The following RPS6KC1 variants were observed in gnomAD, a reference collection of about 807,000 sequenced individuals.
RPS6KC1 encodes the protein ribosomal protein S6 kinase C1.
Under a neutral mutation model 103.8 loss-of-function variants are expected in RPS6KC1, and 54 were observed. The ratio of observed to expected loss-of-function variants is 0.52; its 90% CI spans 0.42 to 0.65. The LOEUF (loss-of-function observed/expected upper bound fraction) is 0.65. RPS6KC1 is among the 30% of genes least tolerant of loss of function. The probability of loss-of-function intolerance (pLI) is 0.00; values close to 1 mark genes in which losing one functional copy is unlikely to be tolerated. For missense variants in RPS6KC1, 1,151 were observed against 1,253.8 expected (o/e 0.92, Z 1.24); for synonymous variants, 439 against 438.7 (o/e 1.00, Z -0.01).
chr1:213,680,690 C>T, the RPS6KC1 span, among the ~76,000 whole-genome samples: 2 of 152,042 alleles, frequency 1.3e-5, no homozygotes, highest in African/African-American at 2.4e-5. Context: ...GGATGTAAGG[C>T]AAGAGATTTT....
At chr1:213,636,684 C>G in the RPS6KC1 span, among the ~76,000 whole-genome samples, 1 of 152,256 alleles carries the variant, frequency 6.6e-6, no homozygotes, top group South Asian at 2.1e-4. Context: ...CTAGGCAATA[C>G]CACTCAGGAC....
the RPS6KC1 span, among the ~76,000 whole-genome samples, chr1:213,774,338 A>G: frequency 2.6e-5 from 4 of 152,158 alleles, no homozygotes; most frequent in African/African-American, 2.4e-5. Flanking sequence ...CTGGGTATGG[A>G]TTCAGTGTGA....
rs397694278 is a variant in RPS6KC1, at chr1:213,091,972, T to TA, written c.263-12479dup. Among the ~76,000 whole-genome samples, 14 of 152,064 alleles carry TA rather than the reference T, an allele frequency of 9.2e-5. No homozygotes were observed. The East Asian group carries it at 2.1e-3, about 23-fold the overall frequency. On this transcript the variant is annotated intron_variant, in intron 3 of 14. Transcript: ENST00000366960. ...GGCATTACATTTCTTTTTTTTTTTTTAAATATGAGTGAGTGGCATATTATA... is the reference window on the plus strand; with the variant it reads ...GGCATTACATTTCTTTTTTTTTTTTTAAAATATGAGTGAGTGGCATATTATA...
chr1:213,687,807 C>A, the RPS6KC1 span, among the ~76,000 whole-genome samples: 1 of 152,134 alleles, frequency 6.6e-6, no homozygotes, highest in African/African-American at 2.4e-5. Flanking sequence ...ATCTTCTGAG[C>A]GTAGAGAGAG....
the RPS6KC1 span, among the ~76,000 whole-genome samples, chr1:213,338,337 C>T: frequency 6.6e-6 from 1 of 152,352 alleles, no homozygotes; most frequent in East Asian, 1.9e-4. Flanking sequence ...GCTTCATGCT[C>T]CACTGATCTC....
At chr1:213,854,129 G>A in the RPS6KC1 span, among the ~76,000 whole-genome samples, 1 of 152,186 alleles carries the variant, frequency 6.6e-6, no homozygotes. Context: ...GTCTCTGCAG[G>A]ATAGGACCTC....
At chr1:213,603,344 A>G in the RPS6KC1 span, among the ~76,000 whole-genome samples, 2 of 152,170 alleles carry the variant, frequency 1.3e-5, no homozygotes, top group Non-Finnish European at 2.9e-5. Context: ...CCAAAGCTTC[A>G]GAGGTACTTT....
At chr1:213,386,856 G>A in the RPS6KC1 span, among the ~76,000 whole-genome samples, 1 of 152,176 alleles carries the variant, frequency 6.6e-6, no homozygotes, top group Non-Finnish European at 1.5e-5. Flanking sequence ...GGAATTGCTT[G>A]TTTTCTCTGG....
the RPS6KC1 span, among the ~76,000 whole-genome samples, chr1:213,654,941 T>G: frequency 6.6e-6 from 1 of 152,236 alleles, no homozygotes; most frequent in South Asian, 2.1e-4. Context: ...TCACAAAAGA[T>G]CGCTTCTTGA....
chr1:213,671,680 A>C, the RPS6KC1 span, among the ~76,000 whole-genome samples: 1 of 152,198 alleles, frequency 6.6e-6, no homozygotes, highest in Non-Finnish European at 1.5e-5. Flanking sequence ...GCTACTCGGA[A>C]GACTAAGGCA....
intron 1 of RPS6KC1, among the ~76,000 whole-genome samples, chr1:213,058,059 CTTTTTTTT>C (rs756919339): frequency 8.9e-6 from 1 of 111,948 alleles, no homozygotes; most frequent in Admixed American, 8.9e-5. Flanking sequence ...TGCGCCTGAC[CTTTTTTTT>C]TTTTTTTTTT....
the RPS6KC1 span, among the ~76,000 whole-genome samples, chr1:213,355,429 G>C: frequency 6.6e-6 from 1 of 151,942 alleles, no homozygotes; most frequent in Non-Finnish European, 1.5e-5. Flanking sequence ...CTTAGACAGG[G>C]GTCTATACAC....
the RPS6KC1 span, among the ~76,000 whole-genome samples, chr1:213,389,167 G>A: frequency 6.6e-6 from 1 of 151,914 alleles, no homozygotes; most frequent in Non-Finnish European, 1.5e-5. Context: ...AAGAAAACAA[G>A]GAGTAGCTGT....
the RPS6KC1 span, among the ~76,000 whole-genome samples, chr1:213,660,634 C>A: frequency 6.7e-6 from 1 of 149,716 alleles, no homozygotes; most frequent in African/African-American, 2.4e-5. Context: ...CAAATACACC[C>A]AAAGCTATAA....
At chr1:213,451,015 G>T in the RPS6KC1 span, among the ~76,000 whole-genome samples, 1 of 152,032 alleles carries the variant, frequency 6.6e-6, no homozygotes, top group South Asian at 2.1e-4. Context: ...ACTGGCTGTT[G>T]ATCACAACCA....
At chr1:213,465,739 C>T in the RPS6KC1 span, among the ~76,000 whole-genome samples, 1 of 152,048 alleles carries the variant, frequency 6.6e-6, no homozygotes, top group Non-Finnish European at 1.5e-5. Context: ...GTATTTTTGC[C>T]TAGGATGAAT....
chr1:213,247,509 A>G (rs915925723), intron 12 of RPS6KC1, among the ~76,000 whole-genome samples: 4 of 152,154 alleles, frequency 2.6e-5, no homozygotes, highest in Non-Finnish European at 5.9e-5. Flanking sequence ...TATGTATCTG[A>G]TAATTAAAAC....
chr1:213,242,633 C>A lies in RPS6KC1; in HGVS notation c.2886C>A (p.Ala962=). 6.2e-7 allele frequency: 1 copy of A among 1,612,666 alleles called. No individual in the cohort carries two copies. The highest frequency in any genetic ancestry group is 1.1e-5 in the South Asian group (1 of 90,930). ...SEVEDSCDSD[A]IERMYCAPEV... The stretch of plus-strand genomic sequence containing the variant: ...TTGAAGATTCCTGTGACAGCGATGC[C>A]ATAGAGAGAATGTACTGTGCCCCAG... The change falls in exon 12 of 15, where the codon GCC becomes GCA. Residue 962 remains alanine (A), a synonymous_variant. Coordinates refer to ENST00000366960, the MANE Select transcript of RPS6KC1 (RefSeq NM_012424.6).
chr1:213,068,662 T>C (rs540692494), intron 1 of RPS6KC1, among the ~76,000 whole-genome samples: 13 of 152,126 alleles, frequency 8.5e-5, no homozygotes, highest in African/African-American at 3.1e-4. Context: ...TAGTCTCTTA[T>C]ACTGAATCTG....
Sources: allele counts gnomAD v4.1 joint callset (sites outside exome capture counted in the v4.1 genomes callset), GRCh38; gene constraint gnomAD v4.1.1; transcripts MANE v1.5; gene names NCBI Gene and HGNC (gene_info 2026-07-23, HGNC 2026-07-21).